Variants in ZNF208 observed in about 807,000 individuals in gnomAD.
ZNF208 encodes zinc finger protein 208.
A neutral mutation model predicts 12.1 loss-of-function variants in ZNF208; 10 were observed. That is an observed-to-expected ratio of 0.83 (90% CI 0.51 to 1.40). The LOEUF is 1.40. Ranked by LOEUF, ZNF208 falls within the 40% of genes most tolerant of loss-of-function variation. The probability of loss-of-function intolerance (pLI) is 0.00; values close to 1 mark genes in which losing one functional copy is unlikely to be tolerated. For missense variants in ZNF208, 1,652 were observed against 1,485.0 expected (o/e 1.11, Z -1.85); for synonymous variants, 497 against 488.4 (o/e 1.02, Z -0.23).
intron 1 of ZNF208, among the ~76,000 whole-genome samples, chr19:21,994,210 A>G (rs1229129850): frequency 6.6e-6 from 1 of 152,238 alleles, no homozygotes; most frequent in East Asian, 1.9e-4. Flanking sequence ...TGAATCAACT[A>G]CTAGATCTGG....
intron 1 of ZNF208, among the ~76,000 whole-genome samples, chr19:21,992,165 G>A (rs1970751471): frequency 6.6e-6 from 1 of 152,202 alleles, no homozygotes; most frequent in Admixed American, 6.5e-5. Flanking sequence ...GATACTTGAT[G>A]ATGAAGAGAA....
At chr19:22,001,892 C>CTAAAAAAAGAAAAAAAAAAAAAA (rs1970956064) in intron 1 of ZNF208, among the ~76,000 whole-genome samples, 1 of 74,106 alleles carries the variant, frequency 1.3e-5, no homozygotes, top group Non-Finnish European at 2.7e-5. Context: ...GACTCCATCC[C>CTAAAAAAAGAAAAAAAAAAAAAA]AAAAAAAAAA....
chr19:21,964,031 T>C (rs557762233), downstream of ZNF208, among the ~76,000 whole-genome samples: 9 of 152,048 alleles, frequency 5.9e-5, no homozygotes, highest in East Asian at 1.7e-3. Flanking sequence ...AGTTCATAGA[T>C]ATGTTACTAA....
chr19:21,951,493 C>T (rs542363182), intron 4 of ZNF208, among the ~76,000 whole-genome samples: 3 of 151,934 alleles, frequency 2.0e-5, no homozygotes, highest in Admixed American at 1.3e-4. Flanking sequence ...TTTTGAAATA[C>T]CAAAAAATTA....
At chr19:21,961,731 G>T (rs145405410), downstream of ZNF208, among the ~76,000 whole-genome samples, 445 of 152,156 alleles carry the variant, frequency 2.9e-3, 5 homozygotes, top group African/African-American at 9.4e-3. Flanking sequence ...GCTAGGAAAA[G>T]AATTCAGTGA....
chr19:21,949,121 A>G (rs1202268413), intron 4 of ZNF208, among the ~76,000 whole-genome samples: 5 of 152,228 alleles, frequency 3.3e-5, no homozygotes, highest in African/African-American at 9.6e-5. Context: ...GTGTTCTGAT[A>G]TGACAAAAAA....
intron 1 of ZNF208, among the ~76,000 whole-genome samples, chr19:22,002,657 A>G (rs1160529846): frequency 6.6e-6 from 1 of 152,124 alleles, no homozygotes; most frequent in Non-Finnish European, 1.5e-5. Context: ...AAAGATCTCT[A>G]TGACAAGAAT....
intron 4 of ZNF208, among the ~76,000 whole-genome samples, chr19:21,959,930 A>C (rs1970037608): frequency 1.3e-5 from 2 of 152,182 alleles, no homozygotes; most frequent in South Asian, 4.1e-4. Flanking sequence ...TTTCAAAAAA[A>C]TTTGAGCTCA....
At chr19:21,975,965 C>T (rs1299498693) in intron 3 of ZNF208, among the ~76,000 whole-genome samples, 16 of 150,858 alleles carry the variant, frequency 1.1e-4, no homozygotes, top group Admixed American at 9.3e-4. Context: ...CATATGTCTT[C>T]CATAAGAAAG....
chr19:21,966,216 T>G lies in ZNF208; in HGVS notation c.*4975A>C, dbSNP rs1362219029. 6.6e-6 allele frequency: 1 copy of G among 152,142 alleles called. No homozygotes were observed. Among genetic ancestry groups the G allele is most frequent in the Non-Finnish European group, 1.5e-5 (1 of 68,004 alleles). The allele number at this position is 152,142 out of a possible 1,614,324, so 9.4% of individuals were successfully genotyped here. A position where few individuals can be genotyped will look rare whatever the true frequency, so the allele number is the denominator to read the frequency against. On this transcript the variant is annotated 3_prime_UTR_variant, in exon 4 of 4. Coordinates refer to ENST00000397126, the MANE Select transcript of ZNF208 (RefSeq NM_007153.3). The stretch of plus-strand genomic sequence containing the variant: ...CTTAATAATTCCATTGCCCAAGTAG[T>G]GTACATCATACCTAAGCAGATTTTC...
chr19:21,968,504 T>A lies in ZNF208; in HGVS notation c.*2687A>T, dbSNP rs1269238332. The A allele has an allele frequency of 6.6e-6, 1 of 152,136 alleles. No homozygotes were observed. Among genetic ancestry groups the A allele is most frequent in the Non-Finnish European group, 1.5e-5 (1 of 68,010 alleles). The allele number at this position is 152,136 out of a possible 1,614,324, so 9.4% of individuals were successfully genotyped here. A position where few individuals can be genotyped will look rare whatever the true frequency, so the allele number is the denominator to read the frequency against. On this transcript the variant is annotated 3_prime_UTR_variant, in exon 4 of 4. Coordinates refer to ENST00000397126, the MANE Select transcript of ZNF208 (RefSeq NM_007153.3). ...GGTGAATCACACTTATTGACTTCCATATCATGAAACACCTTCATATATATG... is the reference window on the plus strand; with the variant it reads ...GGTGAATCACACTTATTGACTTCCAAATCATGAAACACCTTCATATATATG...
At position 21,973,678 on chromosome 19, in the gene ZNF208, G is replaced by C; in HGVS notation, c.1356C>G (p.Pro452=). 6.4e-7 allele frequency: 1 copy of C among 1,571,082 alleles called. No homozygotes were observed. The highest frequency in any genetic ancestry group is 8.7e-7 in the Non-Finnish European group (1 of 1,144,412). The part of the protein sequence containing the change: ...EHKKIHTGET[P]YKCEECGKGF... ...CTTTGCCACATTCTTCACATTTGTA[G>C]GGTGTCTCTCCAGTGTGAATTTTCT... Residue 452 remains proline (P), a synonymous_variant, in exon 4 of 4, where the codon CCC becomes CCG. Transcript: ENST00000397126.
At chr19:22,007,551 T>TGAGA (rs1303043161) in intron 1 of ZNF208, among the ~76,000 whole-genome samples, 1 of 146,904 alleles carries the variant, frequency 6.8e-6, no homozygotes, top group Non-Finnish European at 1.5e-5. Flanking sequence ...AAAAAACTCC[T>TGAGA]AAATTCACTC....
chr19:22,004,890 A>T (rs1446102180), intron 1 of ZNF208, among the ~76,000 whole-genome samples: 1 of 152,216 alleles, frequency 6.6e-6, no homozygotes, highest in Non-Finnish European at 1.5e-5. Flanking sequence ...ACAAAGCTGC[A>T]TGTGTACCCC....
chr19:21,962,991 C>T (rs147286633), downstream of ZNF208, among the ~76,000 whole-genome samples: 7 of 152,082 alleles, frequency 4.6e-5, no homozygotes, highest in East Asian at 1.4e-3. Context: ...ACATCAAATG[C>T]TACTTTTTAT....
intron 4 of ZNF208, among the ~76,000 whole-genome samples, chr19:21,960,831 A>G (rs1333946344): frequency 6.6e-6 from 1 of 152,212 alleles, no homozygotes; most frequent in Non-Finnish European, 1.5e-5. Flanking sequence ...CTCATTTGAA[A>G]TTTCCAGACA....
chr19:22,005,789 A>G (rs1971033073), intron 1 of ZNF208, among the ~76,000 whole-genome samples: 1 of 152,236 alleles, frequency 6.6e-6, no homozygotes, highest in Non-Finnish European at 1.5e-5. Context: ...GTCAAATGGA[A>G]GAAAAGTATA....
rs553546377 is a variant in ZNF208, at chr19:21,983,361, G to T, written c.226+3855C>A. The stretch of plus-strand genomic sequence containing the variant: ...ATTGAGAAGTCAGGAAACAACAGAT[G>T]CTGGAGATGTGGAGAAGTAGAAAAG... On this transcript the variant is annotated intron_variant, in intron 3 of 3. Coordinates refer to ENST00000397126, the MANE Select transcript of ZNF208 (RefSeq NM_007153.3). 2.0e-3 allele frequency among the ~76,000 whole-genome samples: 182 copies of T among 93,312 alleles called. 1 individual carries two copies. Among genetic ancestry groups the T allele is most frequent in the African/African-American group, 8.4e-3 (171 of 20,252 alleles). The allele number at this position is 93,312 out of a possible 152,430, so 61.2% of individuals were successfully genotyped here.
chr19:21,953,397 GT>G (rs1272689536), intron 4 of ZNF208, among the ~76,000 whole-genome samples: 3 of 99,552 alleles, frequency 3.0e-5, no homozygotes, highest in Non-Finnish European at 6.0e-5. Flanking sequence ...AAGAAAAAAT[GT>G]TACGGGTAGC....
Sources: gnomAD v4.1 joint callset for allele counts (sites outside exome capture counted in the v4.1 genomes callset) on GRCh38, gnomAD v4.1.1 for gene constraint, MANE v1.5 for transcripts, NCBI Gene and HGNC (gene_info 2026-07-23, HGNC 2026-07-21) for gene names.